Variants in RAB11FIP1 observed in about 807,000 individuals in gnomAD.
The protein encoded by RAB11FIP1 is rab11 family-interacting protein 1.
Under a neutral mutation model 83.1 loss-of-function variants are expected in RAB11FIP1, and 49 were observed. The observed-to-expected ratio is 0.59, with a 90% CI of 0.47 to 0.75. The LOEUF (loss-of-function observed/expected upper bound fraction) is 0.75, where lower values mean the gene tolerates loss of function less well. Among genes scored for constraint, RAB11FIP1 ranks in the 30% least tolerant of loss-of-function variants. RAB11FIP1 has a pLI of 0.00. For synonymous variants in RAB11FIP1, 670 were observed against 656.0 expected (o/e 1.02, Z -0.33); for missense variants, 1,536 against 1,598.7 (o/e 0.96, Z 0.67).
chr8:37,870,641 G>T, intron 4 of RAB11FIP1, 113 bp from the exon 5 acceptor site: 1 of 608,218 alleles, frequency 1.6e-6, no homozygotes. Flanking sequence ...TGGGTCACAT[G>T]CTGCCCTCAT....
Position 37,878,533 on chromosome 8 carries a change from CAAAAAAAA to C in RAB11FIP1, c.372-990_372-983del, listed in dbSNP as rs918942295. 9.5e-3 allele frequency among the ~76,000 whole-genome samples: 230 copies of C among 24,104 alleles called. 2 individuals are homozygous for C. Among genetic ancestry groups the C allele is most frequent in the African/African-American group, 0.033 (224 of 6,846 alleles). The allele number at this position is 24,104 out of a possible 152,430, so 15.8% of individuals were successfully genotyped here. ...TGGACAACAGAGTGAGACTCCATCT[CAAAAAAAA>C]AAAAAAAAAAAAAAAGCAAAGATCA... On this transcript the variant is annotated intron_variant, in intron 1 of 5. Transcript: ENST00000330843.
At chr8:37,894,744 A>G (rs1807029321) in intron 1 of RAB11FIP1, among the ~76,000 whole-genome samples, 1 of 148,468 alleles carries the variant, frequency 6.7e-6, no homozygotes, top group Non-Finnish European at 1.5e-5. Flanking sequence ...ATATATACAC[A>G]CACACACATA....
chr8:37,895,247 ATATATATATATATTTTTTTTTTTTT>A (rs1265089872), intron 1 of RAB11FIP1, among the ~76,000 whole-genome samples: 1 of 10,830 alleles, frequency 9.2e-5, no homozygotes, highest in East Asian at 3.8e-3. Context: ...ATATATATAT[ATATATATATATATTTTTTTTTTTTT>A]TTTTTTTTTT....
chr8:37,883,902 C>A (rs1806772086), intron 1 of RAB11FIP1, among the ~76,000 whole-genome samples: 1 of 152,080 alleles, frequency 6.6e-6, no homozygotes, highest in Non-Finnish European at 1.5e-5. Flanking sequence ...TATTTTTAAG[C>A]CCATATTCTG....
chr8:37,868,445 A>G (rs971499947), intron 5 of RAB11FIP1, among the ~76,000 whole-genome samples: 15 of 152,140 alleles, frequency 9.9e-5, no homozygotes, highest in African/African-American at 3.6e-4. Context: ...AAAGAAAAAA[A>G]ACTATTCAAT....
At position 37,867,739 on chromosome 8, in the gene RAB11FIP1, G is replaced by GGGAGGGAA. The variant is rs368996615; in HGVS notation, c.3633+2673_3633+2680dup. ...AAAAAAAAAGGAAGGAAGGAAGGGA[G>GGGAGGGAA]GGAGGGAAAGAAGGAAAGAAGGAAG... On this transcript the variant is annotated intron_variant, in intron 5 of 5. Coordinates refer to ENST00000330843, the MANE Select transcript of RAB11FIP1 (RefSeq NM_001002814.3). Among the ~76,000 whole-genome samples, 450 of 150,696 alleles carry GGGAGGGAA rather than the reference G, an allele frequency of 3.0e-3. 2 individuals are homozygous for GGGAGGGAA. The highest frequency in any genetic ancestry group is 0.01 in the African/African-American group (430 of 41,002).
chr8:37,898,947 C>T, intron 1 of RAB11FIP1, 124 bp downstream of exon 1: 1 of 1,034,754 alleles, frequency 9.7e-7, no homozygotes. Flanking sequence ...CGGCCGAGGG[C>T]TCCGTCCCGA....
In RAB11FIP1 at chr8:37,877,708, A is replaced by ATTT. The variant is rs59670170; in HGVS notation, c.372-160_372-158dup. 660 of 210,924 alleles carry ATTT rather than the reference A, an allele frequency of 3.1e-3. 25 individuals are homozygous for ATTT. The highest frequency in any genetic ancestry group is 5.3e-3 in the South Asian group (100 of 19,032). The allele number at this position is 210,924 out of a possible 1,614,324, so 13.1% of individuals were successfully genotyped here. A position where few individuals can be genotyped will look rare whatever the true frequency, so the allele number is the denominator to read the frequency against. ...TCGGGAAGTGGTAGATGAGAGCAGA[A>ATTT]TTTTTTTTTTTTTTTTTTTTTTTTT... On this transcript the variant is annotated intron_variant, in intron 1 of 5. Transcript: ENST00000330843.
Position 37,877,232 on chromosome 8 carries a change from G to C in RAB11FIP1, c.691C>G (p.Leu231Val), listed in dbSNP as rs138874500. Residue 231 changes from leucine to valine, a missense_variant, in exon 2 of 6, where the codon CTT becomes GTT. By Grantham distance (32) the Leu-to-Val change is conservative. Transcript: ENST00000330843. Reference protein sequence around the residue: ...LSKSNLQKTPLSQSMSVLPTS... With the variant: ...LSKSNLQKTPVSQSMSVLPTS... The stretch of plus-strand genomic sequence containing the variant: ...GGCAGGACAGACATGGACTGGGAAA[G>C]AGGCGTCTTCTGCAAATTTGACTTG... The C allele has an allele frequency of 1.9e-4, 301 of 1,614,180 alleles. 2 individuals carry two copies. In the Admixed American group the frequency reaches 5.0e-3, roughly 27 times the overall value.
rs936622952 is a variant in RAB11FIP1, at chr8:37,872,785, C to T, written c.2017G>A (p.Gly673Ser). 1 of 1,614,208 alleles carries T rather than the reference C, an allele frequency of 6.2e-7. No individual in the cohort carries two copies. The highest frequency in any genetic ancestry group is 8.5e-7 in the Non-Finnish European group (1 of 1,180,048). Residue 673 changes from glycine (G) to serine (S), a missense_variant, in exon 4 of 6, where the codon GGC becomes AGC. Transcript: ENST00000330843. Reference sequence around the variant, plus strand: ...TCTGTGCCTGTCTCACGGGTCCTGCCCATCAGAGAATCTTCTGTCCCTTTA... The same window carrying T: ...TCTGTGCCTGTCTCACGGGTCCTGCTCATCAGAGAATCTTCTGTCCCTTTA... ...ANKGTEDSLM[G>S]RTRETGTEKN... is the part of the protein sequence containing the mutation.
At position 37,899,008 on chromosome 8, in the gene RAB11FIP1, G is replaced by A; in HGVS notation, c.371+63C>T. 7.1e-7 allele frequency: 1 copy of A among 1,401,670 alleles called. No individual in the cohort carries two copies. The highest frequency in any genetic ancestry group is 9.2e-7 in the Non-Finnish European group (1 of 1,085,384). The allele number at this position is 1,401,670 out of a possible 1,614,324, so 86.8% of individuals were successfully genotyped here. A position where few individuals can be genotyped will look rare whatever the true frequency, so the allele number is the denominator to read the frequency against. On this transcript the variant is annotated intron_variant, in intron 1 of 5. Transcript: ENST00000330843. The surrounding 1 kb of genome is among the most constrained non-coding windows in gnomAD (Gnocchi z 4.5). ...TTACTCTCGAAGGGTCCAGCGCCCA[G>A]ACCGCCCTGCCGGAGGGGTCCGCGC...
chr8:37,862,970 A>G lies in RAB11FIP1; in HGVS notation c.3777T>C (p.Leu1259=). Residue 1259 remains leucine (L), a synonymous_variant, in exon 6 of 6, where the codon CTT becomes CTC. Transcript: ENST00000330843. ...RELEDYIDNL[L]VRVMEETPNI... ...TGGGGGTTTCTTCCATGACCCTGAC[A>G]AGCAGGTTGTCAATGTAGTCTTCCA... 6.2e-7 allele frequency: 1 copy of G among 1,613,926 alleles called. No individual in the cohort carries two copies.
intron 3 of RAB11FIP1, among the ~76,000 whole-genome samples, 197 bp downstream of exon 3, chr8:37,874,318 G>T (rs1332144183): frequency 1.3e-5 from 2 of 152,222 alleles, no homozygotes; most frequent in African/African-American, 4.8e-5. Flanking sequence ...CTCTGAGCTG[G>T]GAAACATCAC....
At chr8:37,870,223 A>G (rs1473652363) in intron 5 of RAB11FIP1, among the ~76,000 whole-genome samples, 197 bp downstream of exon 5, 1 of 152,212 alleles carries the variant, frequency 6.6e-6, no homozygotes, top group Non-Finnish European at 1.5e-5. Flanking sequence ...ATTAACAATA[A>G]CTAAACAAGT....
At chr8:37,889,637 A>G (rs1398246408) in intron 1 of RAB11FIP1, among the ~76,000 whole-genome samples, 1 of 152,246 alleles carries the variant, frequency 6.6e-6, no homozygotes, top group Non-Finnish European at 1.5e-5. Context: ...AACAAACTTC[A>G]GCATGACTGA....
chr8:37,869,997 C>T lies in RAB11FIP1; in HGVS notation c.3633+423G>A, dbSNP rs377412883. Among the ~76,000 whole-genome samples, 37 of 152,156 alleles carry T rather than the reference C, an allele frequency of 2.4e-4. No individual in the cohort carries two copies. In the East Asian group the frequency reaches 6.2e-3, roughly 25 times the overall value. ...GGAAACATGAGGGAAAAAGAAAATA[C>T]CTGACCTGAATGGGCCAGACTGGGT... On this transcript the variant is annotated intron_variant, in intron 5 of 5. Transcript: ENST00000330843.
chr8:37,875,081 C>T lies in RAB11FIP1; in HGVS notation c.1056G>A (p.Lys352=), dbSNP rs929979201. The T allele has an allele frequency of 3.7e-6, 6 of 1,614,172 alleles. No individual in the cohort carries two copies. The highest frequency in any genetic ancestry group is 4.5e-5 in the East Asian group (2 of 44,884). ...SSPSPKGFRK[K]HLFSSTENLA... is the part of the protein sequence containing the mutation. ...GGTTCTCTGTAGAAGAGAACAAATG[C>T]TTCTTTCTGAAGCCCTTGGGGGATG... The change falls in exon 3 of 6, where the codon AAG becomes AAA. Residue 352 remains lysine, a synonymous_variant. Transcript: ENST00000330843.
At position 37,875,044 on chromosome 8, in the gene RAB11FIP1, A is replaced by G. The variant is rs1475550100; in HGVS notation, c.1093T>C (p.Ser365Pro). 1 of 1,614,090 alleles carries G rather than the reference A, an allele frequency of 6.2e-7. No individual in the cohort carries two copies. The highest frequency in any genetic ancestry group is 1.7e-5 in the Admixed American group (1 of 60,010). ...CCTCCTTCAGCAGGCTCCTTCCAAG[A>G]CCCAGCCGCCAGGTTCTCTGTAGAA... ...FSSTENLAAG[S>P]WKEPAEGGGL... The change falls in exon 3 of 6, where the codon TCT becomes CCT. Residue 365 changes from serine (S) to proline (P), a missense_variant. Transcript: ENST00000330843.
rs146427711 is a variant in RAB11FIP1 at position 37,875,301 on chromosome 8, G to A, written c.836C>T (p.Ala279Val). The stretch of plus-strand genomic sequence containing the variant: ...GTTCAGTTGCTTAAGATCCGTACTC[G>A]CTGTTCTCTTGTGAGACATGACTTT... ...ASDVMSHKRT[A>V]STDLKQLNQV... Residue 279 changes from alanine (A) to valine (V), a missense_variant, in exon 3 of 6, where the codon GCG (alanine) becomes GTG (valine). Coordinates refer to ENST00000330843, the MANE Select transcript of RAB11FIP1 (RefSeq NM_001002814.3). 5.7e-4 allele frequency: 923 copies of A among 1,611,806 alleles called. No homozygotes were observed. Among genetic ancestry groups the A allele is most frequent in the Non-Finnish European group, 7.5e-4 (880 of 1,178,916 alleles).
Sources: allele counts gnomAD v4.1 joint callset (sites outside exome capture counted in the v4.1 genomes callset), GRCh38; gene constraint gnomAD v4.1.1; non-coding constraint Gnocchi (gnomAD v3.1); transcripts MANE v1.5; gene names NCBI Gene and HGNC (gene_info 2026-07-23, HGNC 2026-07-21).